Variants in SH3KBP1 observed in about 807,000 individuals in gnomAD.
SH3KBP1 encodes the protein SH3 domain containing kinase binding protein 1.
Under a neutral mutation model 50.1 loss-of-function variants are expected in SH3KBP1, and 8 were observed. The ratio of observed to expected loss-of-function variants is 0.16; its 90% CI spans 0.09 to 0.29. The LOEUF (loss-of-function observed/expected upper bound fraction) is 0.29, where lower values mean the gene tolerates loss of function less well. Among genes scored for constraint, SH3KBP1 ranks in the 10% least tolerant of loss-of-function variants. The probability of loss-of-function intolerance (pLI) is 1.00; values close to 1 mark genes in which losing one functional copy is unlikely to be tolerated. For missense variants in SH3KBP1, 377 were observed against 535.2 expected (o/e 0.70, Z 2.92); for synonymous variants, 227 against 218.6 (o/e 1.04, Z -0.34).
At chrX:19,751,581 TTTATCTCAGA>T (rs2148831810) in intron 2 of SH3KBP1, among the ~76,000 whole-genome samples, 1 of 111,887 alleles carries the variant, frequency 8.9e-6, no homozygotes, top group East Asian at 2.8e-4. Context: ...CCAGCTTCTC[TTTATCTCAGA>T]TCTGATCTCT....
chrX:19,717,779 T>TA, intron 3 of SH3KBP1, among the ~76,000 whole-genome samples: 2 of 111,562 alleles, frequency 1.8e-5, no homozygotes, highest in South Asian at 7.5e-4. Context: ...GCTTTCCTCT[T>TA]ACAAACGTAT....
At chrX:19,734,106 A>G (rs780281430) in intron 3 of SH3KBP1, among the ~76,000 whole-genome samples, 1 of 112,618 alleles carries the variant, frequency 8.9e-6, no homozygotes, top group South Asian at 3.6e-4. Context: ...AACTGGAAAC[A>G]TAAATGGATT....
rs948161184 is a variant in SH3KBP1 at position 19,737,618 on chromosome X, T to C, written c.286+8700A>G. On this transcript the variant is annotated intron_variant, in intron 3 of 17. Coordinates refer to ENST00000397821, the MANE Select transcript of SH3KBP1 (RefSeq NM_031892.3). ...AGGCAATGAGACTATGTTGACTATG[T>C]AGAGACTGTCATCATAATAAAAACC... is the stretch of plus-strand genomic sequence containing the variant. Among the ~76,000 whole-genome samples, 3 of 111,515 alleles carry C rather than the reference T, an allele frequency of 2.7e-5. 1 individual carries two copies. The highest frequency in any genetic ancestry group is 9.8e-5 in the African/African-American group (3 of 30,660).
chrX:19,720,254 C>T (rs1329034884), intron 3 of SH3KBP1, among the ~76,000 whole-genome samples: 1 of 110,897 alleles, frequency 9.0e-6, no homozygotes, highest in Non-Finnish European at 1.9e-5. Context: ...GGCCTTTCAG[C>T]ACAACCCTCA....
At chrX:19,670,215 G>A (rs1184559950) in intron 6 of SH3KBP1, 1 of 192,944 alleles carries the variant, frequency 5.2e-6, no homozygotes, top group East Asian at 2.5e-4. Context: ...CCATACATGA[G>A]TACATACCTA....
intron 2 of SH3KBP1, among the ~76,000 whole-genome samples, chrX:19,833,179 C>A (rs2067954158): frequency 9.1e-6 from 1 of 109,593 alleles, no homozygotes; most frequent in South Asian, 4.0e-4. Flanking sequence ...TCCTCTCCTT[C>A]CCACAGTCCT....
chrX:19,564,229 A>G (rs1276515126), intron 13 of SH3KBP1, among the ~76,000 whole-genome samples: 1 of 112,095 alleles, frequency 8.9e-6, no homozygotes, highest in African/African-American at 3.2e-5. Context: ...AAAGGTAGAA[A>G]TTGCAAAATA....
At chrX:19,822,712 T>G (rs926473168) in intron 2 of SH3KBP1, among the ~76,000 whole-genome samples, 4 of 112,173 alleles carry the variant, frequency 3.6e-5, no homozygotes, top group African/African-American at 1.3e-4. Context: ...GACAAGTGAT[T>G]GTTTAAATTG....
chrX:19,694,931 A>C, intron 5 of SH3KBP1: 2 of 991,605 alleles, frequency 2.0e-6, no homozygotes, highest in Non-Finnish European at 2.8e-6. Context: ...AAGACAGCAC[A>C]AGAGATACAC....
intron 16 of SH3KBP1, among the ~76,000 whole-genome samples, chrX:19,540,011 A>G (rs2064836366): frequency 9.0e-6 from 1 of 111,656 alleles, no homozygotes; most frequent in Non-Finnish European, 1.9e-5. Flanking sequence ...AAACAGCTAA[A>G]GCCCTGAATT....
intron 6 of SH3KBP1, among the ~76,000 whole-genome samples, chrX:19,668,975 T>TATATATATATATATATATA (rs1569405153): frequency 3.0e-5 from 2 of 66,604 alleles, no homozygotes; most frequent in Non-Finnish European, 5.4e-5. Flanking sequence ...TATATATATA[T>TATATATATATATATATATA]TTTTTGAGAC....
At chrX:19,748,104 T>C (rs1301681765) in intron 2 of SH3KBP1, among the ~76,000 whole-genome samples, 1 of 111,948 alleles carries the variant, frequency 8.9e-6, no homozygotes. Flanking sequence ...GGTTGCTTCT[T>C]TGGGGGAAGA....
chrX:19,569,567 T>C (rs1271014120), intron 12 of SH3KBP1, among the ~76,000 whole-genome samples: 2 of 112,596 alleles, frequency 1.8e-5, no homozygotes, highest in Non-Finnish European at 3.7e-5. Flanking sequence ...ACAAGGAATT[T>C]AGCCAATGCT....
chrX:19,801,637 G>A (rs1180380130), intron 2 of SH3KBP1, among the ~76,000 whole-genome samples: 1 of 112,005 alleles, frequency 8.9e-6, no homozygotes, highest in East Asian at 2.8e-4. Context: ...AATGGGCACA[G>A]GTTTCTTTTG....
At chrX:19,668,549 C>CA (rs1302613655) in intron 6 of SH3KBP1, among the ~76,000 whole-genome samples, 2 of 106,210 alleles carry the variant, frequency 1.9e-5, no homozygotes, top group Non-Finnish European at 3.9e-5. Context: ...TATTCAGGCT[C>CA]AAAAAAAAGT....
chrX:19,583,494 T>C (rs2066447246), intron 12 of SH3KBP1, among the ~76,000 whole-genome samples: 2 of 111,316 alleles, frequency 1.8e-5, no homozygotes, highest in African/African-American at 6.5e-5. Flanking sequence ...ATTACATTTT[T>C]GAAAGTCTTT....
intron 1 of SH3KBP1, among the ~76,000 whole-genome samples, chrX:19,860,161 C>G (rs764213545): frequency 1.8e-5 from 2 of 108,707 alleles, no homozygotes; most frequent in Non-Finnish European, 3.8e-5. Flanking sequence ...CCCGGCAACT[C>G]GGGAAGCTGG....
At chrX:19,546,182 CA>C in intron 14 of SH3KBP1, 132 bp from the exon 15 acceptor site, 1 of 732,786 alleles carries the variant, frequency 1.4e-6, no homozygotes, top group Non-Finnish European at 2.0e-6. Flanking sequence ...CCCTGTGAGG[CA>C]AAAAAGTGTG....
intron 3 of SH3KBP1, among the ~76,000 whole-genome samples, chrX:19,727,960 C>T (rs982031907): frequency 1.4e-4 from 16 of 111,981 alleles, no homozygotes; most frequent in African/African-American, 3.6e-4. Flanking sequence ...GGAAACAGAG[C>T]GAGACACCAT....
Sources: gnomAD v4.1 joint callset for allele counts (sites outside exome capture counted in the v4.1 genomes callset) on GRCh38, gnomAD v4.1.1 for gene constraint, MANE v1.5 for transcripts, NCBI Gene and HGNC (gene_info 2026-07-23, HGNC 2026-07-21) for gene names.